Variants in PHKA1 observed in about 807,000 individuals in gnomAD.
PHKA1 encodes phosphorylase b kinase regulatory subunit alpha, skeletal muscle isoform.
A neutral mutation model predicts 110.2 loss-of-function variants in PHKA1; 60 were observed. That is an observed-to-expected ratio of 0.54 (90% CI 0.44 to 0.68). The LOEUF is 0.68. Ranked by LOEUF, PHKA1 falls within the 30% of genes least tolerant of loss-of-function variation. The pLI, the probability that PHKA1 is intolerant of heterozygous loss-of-function variation, is 0.00. For synonymous variants in PHKA1, 316 were observed against 333.6 expected (o/e 0.95, Z 0.58); for missense variants, 801 against 942.5 (o/e 0.85, Z 1.97).
At chrX:72,607,939 G>A (rs1467770987) in intron 23 of PHKA1, among the ~76,000 whole-genome samples, 1 of 111,151 alleles carries the variant, frequency 9.0e-6, no homozygotes, top group Non-Finnish European at 1.9e-5. Flanking sequence ...TCAAAAACCT[G>A]CTTGGTGCTC....
In PHKA1 at chrX:72,581,090, C is replaced by T; in HGVS notation, c.3584G>A (p.Gly1195Asp). 8.3e-7 allele frequency: 1 copy of T among 1,200,667 alleles called. No homozygotes were observed. Among genetic ancestry groups the T allele is most frequent in the South Asian group, 1.8e-5 (1 of 56,661 alleles). The change falls in exon 32 of 32, where the codon GGC becomes GAC. Residue 1195 changes from glycine to aspartate, a missense_variant. This residue lies in a region of PHKA1 where 502 missense variants were observed against 519.2 expected (regional missense o/e 0.97). Coordinates refer to ENST00000373542, the MANE Select transcript of PHKA1 (RefSeq NM_002637.4). ...GAGGTAGGTCATGGTGCCAAACCTG[C>T]CACTGGGTGCACTGTCATACAGAAG... ...CTLLYDSAPSGRFGTMTYLSK... is the reference protein window; with the variant it reads ...CTLLYDSAPSDRFGTMTYLSK...
chrX:72,711,884 A>C (rs1193156052), intron 2 of PHKA1: 1 of 111,529 alleles, frequency 9.0e-6, no homozygotes, highest in Non-Finnish European at 1.9e-5. Flanking sequence ...GCTGTTGCTA[A>C]GGACAACACA....
At chrX:72,599,200 C>G (rs1176318433) in intron 28 of PHKA1, among the ~76,000 whole-genome samples, 2 of 111,826 alleles carry the variant, frequency 1.8e-5, no homozygotes, top group Non-Finnish European at 3.8e-5. Context: ...AACCTAAATA[C>G]TAATATTGTT....
intron 3 of PHKA1, among the ~76,000 whole-genome samples, chrX:72,697,723 G>A (rs1463607245): frequency 9.1e-6 from 1 of 110,424 alleles, no homozygotes; most frequent in African/African-American, 3.3e-5. Context: ...GGTGGCTCAC[G>A]CCTGTAATAC....
In PHKA1 at chrX:72,605,618, G is replaced by T; in HGVS notation, c.2608C>A (p.Pro870Thr). ...PEPREKTISA[P>T]LPYEALTQLI... ...TGAGTGAGCGCCTCATAGGGCAGAGGTCTAAGGAAAAAGACAGCAAAGAAA... is the reference window on the plus strand; with the variant it reads ...TGAGTGAGCGCCTCATAGGGCAGAGTTCTAAGGAAAAAGACAGCAAAGAAA... Residue 870 changes from proline (P) to threonine (T), a missense_variant and splice_region_variant, in exon 24 of 32, where the codon CCT (proline) becomes ACT (threonine). Transcript: ENST00000373542. The T allele has an allele frequency of 8.4e-7, 1 of 1,189,691 alleles. No homozygotes were observed. The highest frequency in any genetic ancestry group is 1.1e-6 in the Non-Finnish European group (1 of 875,675).
intron 10 of PHKA1, among the ~76,000 whole-genome samples, chrX:72,655,662 G>T (rs1028208593): frequency 9.1e-6 from 1 of 109,555 alleles, no homozygotes. Context: ...TCGCTCTGTC[G>T]CCCAGGCTGG....
intron 1 of PHKA1, 71 bp from the exon 2 acceptor site, chrX:72,713,008 A>G: frequency 8.9e-7 from 1 of 1,118,076 alleles, no homozygotes; most frequent in Non-Finnish European, 1.2e-6. Context: ...AATCTTCCAA[A>G]TGGGTTTTTT....
Position 72,636,409 on chromosome X carries a change from T to A in PHKA1, c.1460-23A>T, listed in dbSNP as rs201822194. 4.1e-4 allele frequency: 381 copies of A among 932,497 alleles called. No homozygotes were observed. In the African/African-American group the frequency reaches 6.5e-3, roughly 16 times the overall value. 76.8% of individuals were successfully genotyped at this position (932,497 alleles called of 1,213,427 possible). The stretch of plus-strand genomic sequence containing the variant: ...ATCCTGATACAGAATTGAGAAATGG[T>A]AAAAATATTTCTAGAGCACAAATCA... On this transcript the variant is annotated intron_variant, in intron 14 of 31. Coordinates refer to ENST00000373542, the MANE Select transcript of PHKA1 (RefSeq NM_002637.4).
At chrX:72,649,738 A>G (rs2053404736) in intron 13 of PHKA1, among the ~76,000 whole-genome samples, 1 of 111,312 alleles carries the variant, frequency 9.0e-6, no homozygotes, top group Non-Finnish European at 1.9e-5. Context: ...TCGCGCCTGT[A>G]ATCCCAGTAC....
At chrX:72,680,640 C>CA (rs2053837916) in intron 5 of PHKA1, among the ~76,000 whole-genome samples, 1 of 109,159 alleles carries the variant, frequency 9.2e-6, no homozygotes, top group African/African-American at 3.4e-5. Flanking sequence ...GTGGTTGGCG[C>CA]GCTGCGCTGC....
chrX:72,646,127 G>T (rs1220073309), intron 13 of PHKA1, among the ~76,000 whole-genome samples: 1 of 111,917 alleles, frequency 8.9e-6, no homozygotes, highest in Non-Finnish European at 1.9e-5. Flanking sequence ...CAAAAGAAAT[G>T]GATCTGGAAA....
intron 22 of PHKA1, 143 bp downstream of exon 22, chrX:72,610,884 TA>T: frequency 2.1e-6 from 1 of 469,279 alleles, no homozygotes; most frequent in Non-Finnish European, 3.7e-6. Flanking sequence ...ATTCACAAAC[TA>T]AAAGAACTGA....
intron 8 of PHKA1, among the ~76,000 whole-genome samples, chrX:72,661,743 C>CAAA (rs782779792): frequency 1.5e-4 from 5 of 33,097 alleles, no homozygotes; most frequent in Non-Finnish European, 2.5e-4. Flanking sequence ...AATGTACTGA[C>CAAA]AAAAAAAAAA....
At chrX:72,710,981 C>T (rs1290628925) in intron 2 of PHKA1, among the ~76,000 whole-genome samples, 1 of 106,953 alleles carries the variant, frequency 9.3e-6, no homozygotes, top group Non-Finnish European at 1.9e-5. Context: ...CCTGCCTCAG[C>T]CTCCCGAGTA....
At position 72,656,141 on chromosome X, in the gene PHKA1, G is replaced by A; in HGVS notation, c.1020C>T (p.Val340=). 8.3e-7 allele frequency: 1 copy of A among 1,210,320 alleles called. No homozygotes were observed. Among genetic ancestry groups the A allele is most frequent in the Non-Finnish European group, 1.1e-6 (1 of 894,406 alleles). The change falls in exon 10 of 32, where the codon GTC becomes GTT. Residue 340 remains valine, a synonymous_variant. Transcript: ENST00000373542. ...LFWTYFILDG[V]FSGNAEQVQE... Reference sequence around the variant, plus strand: ...TTACCTGTTCTGCATTGCCACTGAAGACCCCATCAAGAATAAAGTATGTCC... The same window carrying A: ...TTACCTGTTCTGCATTGCCACTGAAAACCCCATCAAGAATAAAGTATGTCC...
intron 6 of PHKA1, among the ~76,000 whole-genome samples, chrX:72,675,313 T>C (rs1288903065): frequency 9.0e-6 from 1 of 111,598 alleles, no homozygotes; most frequent in Non-Finnish European, 1.9e-5. Flanking sequence ...CAATATTTTT[T>C]ACTTTGAATT....
intron 4 of PHKA1, among the ~76,000 whole-genome samples, chrX:72,692,466 G>A (rs997671818): frequency 2.7e-5 from 3 of 110,927 alleles, no homozygotes; most frequent in Admixed American, 1.9e-4. Flanking sequence ...ATCTGCACCC[G>A]GGCTTACTTC....
chrX:72,597,823 A>T (rs2052610630), intron 28 of PHKA1, among the ~76,000 whole-genome samples: 1 of 111,616 alleles, frequency 9.0e-6, no homozygotes, highest in African/African-American at 3.3e-5. Context: ...CTTCCTAGTG[A>T]ATCATTAAAT....
At chrX:72,650,294 A>G in intron 13 of PHKA1, 96 bp downstream of exon 13, 1 of 687,678 alleles carries the variant, frequency 1.5e-6, no homozygotes. Context: ...AAAGTGCAAC[A>G]TATAGAATAA....
Sources: allele counts gnomAD v4.1 joint callset (sites outside exome capture counted in the v4.1 genomes callset), GRCh38; gene constraint gnomAD v4.1.1; regional missense constraint gnomAD v4.1.1; transcripts MANE v1.5; gene names NCBI Gene and HGNC (gene_info 2026-07-23, HGNC 2026-07-21).